GABRG3: variants seen among roughly 807,000 people sequenced by gnomAD.
GABRG3 encodes the protein gamma-aminobutyric acid type A receptor subunit gamma3.
In GABRG3, 25 loss-of-function variants were observed where a neutral mutation model predicts 48.8. The ratio of observed to expected loss-of-function variants is 0.51; its 90% CI spans 0.37 to 0.72. The LOEUF (loss-of-function observed/expected upper bound fraction) is 0.72. GABRG3 is among the 30% of genes least tolerant of loss of function. The pLI is 0.00. For synonymous variants in GABRG3, 227 were observed against 217.6 expected, an observed-to-expected ratio of 1.04 and a Z score of -0.38; for missense variants, 394 against 577.9, an observed-to-expected ratio of 0.68 and a Z score of 3.26.
intron 3 of GABRG3, among the ~76,000 whole-genome samples, chr15:27,171,902 G>A (rs1887584204): frequency 6.6e-6 from 1 of 152,106 alleles, no homozygotes; most frequent in Non-Finnish European, 1.5e-5. Context: ...TTTGGCTTTT[G>A]GTTTTTGGAG....
chr15:27,370,111 G>A (rs1197376085), intron 5 of GABRG3, among the ~76,000 whole-genome samples: 1 of 152,192 alleles, frequency 6.6e-6, no homozygotes, highest in African/African-American at 2.4e-5. Flanking sequence ...AGCAGCAAAT[G>A]CATTGAAAGC....
At chr15:27,433,205 A>G (rs1272915068) in intron 5 of GABRG3, among the ~76,000 whole-genome samples, 1 of 152,248 alleles carries the variant, frequency 6.6e-6, no homozygotes, top group East Asian at 1.9e-4. Context: ...CCAAAGGCGG[A>G]ACCCCACTCC....
At chr15:27,065,734 C>T (rs1896727197) in intron 3 of GABRG3, among the ~76,000 whole-genome samples, 1 of 152,228 alleles carries the variant, frequency 6.6e-6, no homozygotes, top group African/African-American at 2.4e-5. Context: ...ACCTTGCCAC[C>T]ACTGAACAAC....
At chr15:27,471,804 G>A (rs1324178504) in intron 5 of GABRG3, among the ~76,000 whole-genome samples, 1 of 152,116 alleles carries the variant, frequency 6.6e-6, no homozygotes, top group Non-Finnish European at 1.5e-5. Flanking sequence ...CCCAAGAGAA[G>A]TTTCATCTTT....
intron 3 of GABRG3, among the ~76,000 whole-genome samples, chr15:27,238,597 A>G (rs1325403290): frequency 2.0e-5 from 3 of 152,244 alleles, no homozygotes; most frequent in Non-Finnish European, 4.4e-5. Context: ...AAATTTCTAT[A>G]CAAACTTTGC....
At chr15:27,246,387 ATTAC>A (rs1890271738) in intron 3 of GABRG3, among the ~76,000 whole-genome samples, 1 of 152,152 alleles carries the variant, frequency 6.6e-6, no homozygotes, top group Non-Finnish European at 1.5e-5. Flanking sequence ...TTTATGAATA[ATTAC>A]TTTCTACATA....
intron 5 of GABRG3, among the ~76,000 whole-genome samples, chr15:27,383,563 T>C (rs571976980): frequency 7.2e-5 from 11 of 152,250 alleles, no homozygotes; most frequent in Non-Finnish European, 1.3e-4. Context: ...TTTAAAAAAA[T>C]TGTCAGTGAA....
At chr15:27,209,523 A>C (rs1363934396) in intron 3 of GABRG3, among the ~76,000 whole-genome samples, 2 of 152,078 alleles carry the variant, frequency 1.3e-5, no homozygotes, top group Non-Finnish European at 2.9e-5. Context: ...GATGTCTCTG[A>C]GGCCAGAAAC....
rs150009883 is a variant in GABRG3 at position 27,279,844 on chromosome 15, G to A, written c.271-46965G>A. On this transcript the variant is annotated intron_variant, in intron 3 of 9. Transcript: ENST00000615808. ...AACTAACAGGTTAGCGTTATGATTA[G>A]AGCAGTGACATCTGAAATATTGAAT... is the stretch of plus-strand genomic sequence containing the variant. Among the ~76,000 whole-genome samples, 650 of 152,228 alleles carry A rather than the reference G, an allele frequency of 4.3e-3. 19 individuals carry two copies. The East Asian group carries it at 0.061, about 14-fold the overall frequency.
At chr15:27,004,841 C>G (rs1255728495) in intron 2 of GABRG3, among the ~76,000 whole-genome samples, 1 of 152,166 alleles carries the variant, frequency 6.6e-6, no homozygotes. Flanking sequence ...CCTTAAGATT[C>G]ACTGGCCTAC....
At chr15:27,044,627 A>G (rs1896332182) in intron 3 of GABRG3, among the ~76,000 whole-genome samples, 2 of 152,262 alleles carry the variant, frequency 1.3e-5, no homozygotes, top group Admixed American at 1.3e-4. Context: ...TTAAATTAAC[A>G]GAGTTTAACT....
At chr15:27,475,075 A>C (rs1237659965) in intron 5 of GABRG3, among the ~76,000 whole-genome samples, 1 of 152,150 alleles carries the variant, frequency 6.6e-6, no homozygotes, top group Non-Finnish European at 1.5e-5. Flanking sequence ...GGTTGCAGTG[A>C]GCTGAGATCG....
chr15:27,380,513 G>A (rs558527863), intron 5 of GABRG3, among the ~76,000 whole-genome samples: 1 of 151,860 alleles, frequency 6.6e-6, no homozygotes, highest in East Asian at 1.9e-4. Context: ...AAGTAAATTA[G>A]TCTTTATTGT....
At chr15:27,146,862 CA>C (rs759451909) in intron 3 of GABRG3, among the ~76,000 whole-genome samples, 9 of 151,320 alleles carry the variant, frequency 5.9e-5, no homozygotes, top group Non-Finnish European at 1.0e-4. Context: ...CAAAAGAAGG[CA>C]AAAGTAAAGG....
intron 5 of GABRG3, among the ~76,000 whole-genome samples, chr15:27,450,178 C>T (rs1889066899): frequency 6.6e-6 from 1 of 152,184 alleles, no homozygotes; most frequent in African/African-American, 2.4e-5. Flanking sequence ...CAAGAAAAAC[C>T]TGTCTTTTGC....
At chr15:26,973,529 G>A (rs1176593819) in intron 1 of GABRG3, among the ~76,000 whole-genome samples, 2 of 152,162 alleles carry the variant, frequency 1.3e-5, no homozygotes, top group African/African-American at 2.4e-5. Flanking sequence ...AATTTGGAGG[G>A]GTTTCTCATT....
intron 3 of GABRG3, among the ~76,000 whole-genome samples, chr15:27,312,448 A>G (rs1015176023): frequency 1.3e-5 from 2 of 152,154 alleles, no homozygotes; most frequent in Non-Finnish European, 2.9e-5. Flanking sequence ...GGAAACCCAA[A>G]TGACAATAAA....
intron 3 of GABRG3, among the ~76,000 whole-genome samples, chr15:27,153,831 TTC>T (rs1898367669): frequency 6.6e-6 from 1 of 152,212 alleles, no homozygotes; most frequent in South Asian, 2.1e-4. Context: ...CTATTTTAAA[TTC>T]TCTGATAATT....
chr15:27,239,186 C>T (rs994948911), intron 3 of GABRG3, among the ~76,000 whole-genome samples: 2 of 152,164 alleles, frequency 1.3e-5, no homozygotes, highest in East Asian at 3.8e-4. Flanking sequence ...GACACCAGTC[C>T]GAGGTTTACA....
Sources: gnomAD v4.1 joint callset for allele counts (sites outside exome capture counted in the v4.1 genomes callset) on GRCh38, gnomAD v4.1.1 for gene constraint, MANE v1.5 for transcripts, NCBI Gene and HGNC (gene_info 2026-07-23, HGNC 2026-07-21) for gene names.